ZNF362: variants seen among roughly 807,000 people sequenced by gnomAD.
ZNF362 encodes zinc finger protein 362.
In ZNF362, 11 loss-of-function variants were observed where a neutral mutation model predicts 42.9. The ratio of observed to expected loss-of-function variants is 0.26; its 90% confidence interval spans 0.16 to 0.42. The LOEUF is 0.42. ZNF362 is among the 20% of genes least tolerant of loss of function. ZNF362 has a pLI of 1.00. For synonymous variants in ZNF362, 255 were observed against 257.3 expected (o/e 0.99, Z 0.09); for missense variants, 362 against 576.2 (o/e 0.63, Z 3.81).
At chr1:33,286,504 CCT>C (rs143136646) in intron 6 of ZNF362, among the ~76,000 whole-genome samples, 6 of 150,072 alleles carry the variant, frequency 4.0e-5, no homozygotes, top group African/African-American at 4.9e-5. Flanking sequence ...TTTTTTTTTC[CCT>C]CTCTCTCTCT....
At chr1:33,244,387 C>T in the ZNF362 span, among the ~76,000 whole-genome samples, 1 of 152,224 alleles carries the variant, frequency 6.6e-6, no homozygotes, top group Non-Finnish European at 1.5e-5. This position sits in a 1 kb window ranked among gnomAD's most constrained non-coding sequence, Gnocchi z 4.0. Context: ...AATGCCCTCA[C>T]TAACTGAATT....
chr1:33,163,714 G>C, the ZNF362 span: 1 of 152,366 alleles, frequency 6.6e-6, no homozygotes, highest in Non-Finnish European at 1.5e-5. Flanking sequence ...GGAAAACAGA[G>C]GGCCTGAGGA....
chr1:33,244,781 GT>G, the ZNF362 span, among the ~76,000 whole-genome samples: 1 of 152,232 alleles, frequency 6.6e-6, no homozygotes, highest in Non-Finnish European at 1.5e-5. The surrounding 1 kb of genome is among the most constrained non-coding windows in gnomAD (Gnocchi z 4.0). Context: ...TTAAAAGGGA[GT>G]GGGGGCAAGG....
chr1:33,185,139 C>T, the ZNF362 span, among the ~76,000 whole-genome samples: 1 of 152,112 alleles, frequency 6.6e-6, no homozygotes, highest in African/African-American at 2.4e-5. Flanking sequence ...TGTCTAAATC[C>T]TTTCAGTAGA....
the ZNF362 span, among the ~76,000 whole-genome samples, chr1:33,193,067 G>C: frequency 6.6e-6 from 1 of 150,508 alleles, no homozygotes; most frequent in African/African-American, 2.4e-5. Flanking sequence ...ATTGACTATG[G>C]GGTACTGTAG....
the ZNF362 span, among the ~76,000 whole-genome samples, chr1:33,151,226 C>T: frequency 3.3e-5 from 5 of 152,072 alleles, no homozygotes; most frequent in Admixed American, 6.5e-5. Context: ...CCCTGGCGAG[C>T]GGACCTGTGC....
the ZNF362 span, among the ~76,000 whole-genome samples, chr1:33,179,407 A>C: frequency 6.6e-6 from 1 of 152,184 alleles, no homozygotes; most frequent in African/African-American, 2.4e-5. Flanking sequence ...GTGCAGGCCT[A>C]CTCAAAGACT....
chr1:33,263,167 C>G (rs191244162), intron 1 of ZNF362, among the ~76,000 whole-genome samples: 1 of 152,250 alleles, frequency 6.6e-6, no homozygotes, highest in African/African-American at 2.4e-5. Flanking sequence ...CTAGCCGTTG[C>G]GCAGTGTGTC....
chr1:33,234,846 C>T, the ZNF362 span, among the ~76,000 whole-genome samples: 34 of 152,294 alleles, frequency 2.2e-4, no homozygotes, highest in Admixed American at 9.1e-4. Flanking sequence ...CCCTCTGCTG[C>T]CAGGGAGATC....
At chr1:33,250,796 G>A in the ZNF362 span, among the ~76,000 whole-genome samples, 1 of 148,826 alleles carries the variant, frequency 6.7e-6, no homozygotes, top group South Asian at 2.1e-4. Flanking sequence ...GGAGAAGGAG[G>A]AGGAGAAGGA....
the ZNF362 span, among the ~76,000 whole-genome samples, chr1:33,136,289 CCTTTCTTTCTTTTTCTTTCTTT>C: frequency 6.7e-6 from 1 of 149,532 alleles, no homozygotes; most frequent in Non-Finnish European, 1.5e-5. Context: ...CTCTTCCTTT[CCTTTCTTTCTTTTTCTTTCTTT>C]CTTTCTTTTT....
the ZNF362 span, among the ~76,000 whole-genome samples, chr1:33,239,222 A>G: frequency 6.6e-6 from 1 of 152,220 alleles, no homozygotes; most frequent in African/African-American, 2.4e-5. Flanking sequence ...GGAGTTGCAG[A>G]CAATGCTAAA....
the ZNF362 span, among the ~76,000 whole-genome samples, chr1:33,186,015 GAA>G: frequency 1.3e-5 from 2 of 151,788 alleles, no homozygotes; most frequent in Non-Finnish European, 2.9e-5. Context: ...AAAAAATAAA[GAA>G]AATTGATCCT....
chr1:33,155,689 A>G, the ZNF362 span, among the ~76,000 whole-genome samples: 1 of 152,128 alleles, frequency 6.6e-6, no homozygotes, highest in African/African-American at 2.4e-5. Context: ...AAAAATGAGG[A>G]TAATAACACT....
chr1:33,176,284 T>C, the ZNF362 span: 1 of 513,646 alleles, frequency 1.9e-6, no homozygotes. Flanking sequence ...ATTTCTCAGA[T>C]TGGGTAAGAG....
chr1:33,145,229 C>G, the ZNF362 span, among the ~76,000 whole-genome samples: 1 of 152,150 alleles, frequency 6.6e-6, no homozygotes, highest in Non-Finnish European at 1.5e-5. Flanking sequence ...ATATGGGACC[C>G]CAGGTAAGTC....
the ZNF362 span, among the ~76,000 whole-genome samples, chr1:33,247,434 C>G: frequency 3.9e-5 from 6 of 152,198 alleles, no homozygotes; most frequent in African/African-American, 1.4e-4. Context: ...AGGACCTTGC[C>G]CTAACGCTGG....
the ZNF362 span, among the ~76,000 whole-genome samples, chr1:33,239,961 A>T: frequency 6.6e-6 from 1 of 152,220 alleles, no homozygotes; most frequent in African/African-American, 2.4e-5. Flanking sequence ...ATCCATACTG[A>T]CATGAATAAG....
chr1:33,163,485 A>C, the ZNF362 span: 1 of 152,276 alleles, frequency 6.6e-6, no homozygotes, highest in East Asian at 1.9e-4. Context: ...CTCAGCACAG[A>C]GAAAAGTTCT....
Sources: allele counts gnomAD v4.1 joint callset (sites outside exome capture counted in the v4.1 genomes callset), GRCh38; gene constraint gnomAD v4.1.1; non-coding constraint Gnocchi (gnomAD v3.1); transcripts MANE v1.5; gene names NCBI Gene and HGNC (gene_info 2026-07-23, HGNC 2026-07-21).